TBC1D25: variants seen among roughly 807,000 people sequenced by gnomAD.
TBC1D25 encodes TBC1 domain family member 25.
A neutral mutation model predicts 38.8 loss-of-function variants in TBC1D25; 13 were observed. The observed-to-expected ratio is 0.34, with a 90% CI of 0.22 to 0.53. The LOEUF (loss-of-function observed/expected upper bound fraction) is 0.53. TBC1D25 is among the 20% of genes least tolerant of loss of function. The probability of loss-of-function intolerance (pLI) is 0.94; values close to 1 mark genes in which losing one functional copy is unlikely to be tolerated. For missense variants in TBC1D25, 372 were observed against 600.0 expected, an observed-to-expected ratio of 0.62 and a Z score of 3.97; for synonymous variants, 225 against 255.6, an observed-to-expected ratio of 0.88 and a Z score of 1.14.
In TBC1D25 at chrX:48,550,744, C is replaced by T. The variant is rs927926834; in HGVS notation, c.388+5721C>T. Among the ~76,000 whole-genome samples, 47 of 109,935 alleles carry T rather than the reference C, an allele frequency of 4.3e-4. 1 individual carries two copies. Among genetic ancestry groups the T allele is most frequent in the Non-Finnish European group, 1.9e-4 (10 of 52,641 alleles). ...GCACAATCTTGGCTCACTGCAAGCTCCACCTCCTGGGTTCACGCCATTCTC... is the reference window on the plus strand; with the variant it reads ...GCACAATCTTGGCTCACTGCAAGCTTCACCTCCTGGGTTCACGCCATTCTC... On this transcript the variant is annotated intron_variant, in intron 3 of 5. Coordinates refer to ENST00000376771, the MANE Select transcript of TBC1D25 (RefSeq NM_002536.4).
At chrX:48,541,589 T>C in intron 2 of TBC1D25, 147 bp downstream of exon 2, 1 of 579,731 alleles carries the variant, frequency 1.7e-6, no homozygotes. Flanking sequence ...TGGAGCACAG[T>C]AGTCTACTTT....
intron 3 of TBC1D25, among the ~76,000 whole-genome samples, chrX:48,554,559 CAAAAA>C (rs60207287): frequency 1.9e-5 from 1 of 51,901 alleles, no homozygotes; most frequent in African/African-American, 8.0e-5. Context: ...GACTCCATCT[CAAAAA>C]AAAAAAAAAA....
At chrX:48,550,868 C>T (rs34521177) in intron 3 of TBC1D25, among the ~76,000 whole-genome samples, 4 of 110,565 alleles carry the variant, frequency 3.6e-5, no homozygotes, top group African/African-American at 1.3e-4. Flanking sequence ...ACCGTGTTAG[C>T]TAGGATGATC....
At position 48,557,094 on chromosome X, in the gene TBC1D25, G is replaced by A. The variant is rs188699068; in HGVS notation, c.389-1803G>A. 3.7e-5 allele frequency among the ~76,000 whole-genome samples: 4 copies of A among 109,294 alleles called. No individual in the cohort carries two copies. In the East Asian group the frequency reaches 8.6e-4, roughly 24 times the overall value. The allele number at this position is 109,294 out of a possible 115,157, so 94.9% of individuals were successfully genotyped here. ...AAAAAAAAATCATCCACGCATGGTG[G>A]CACACGCCTGTAAGCCCCAGCTACT... On this transcript the variant is annotated intron_variant, in intron 3 of 5. Transcript: ENST00000376771.
chrX:48,551,994 T>G (rs1255090891), intron 3 of TBC1D25, among the ~76,000 whole-genome samples: 1 of 111,105 alleles, frequency 9.0e-6, no homozygotes, highest in Non-Finnish European at 1.9e-5. Flanking sequence ...TGTTAAATGC[T>G]TTTGGCCTTG....
At position 48,539,819 on chromosome X, in the gene TBC1D25, T is replaced by C; in HGVS notation, c.22T>C (p.Ser8Pro). Residue 8 changes from serine (S) to proline (P), a missense_variant, in exon 1 of 6, where the codon TCG (serine) becomes CCG (proline). By Grantham distance (74) the Ser-to-Pro change is moderately conservative. Transcript: ENST00000376771. ...CGGGATGGCAACAGCCTCCGGGGCC[T>C]CGGACTTGTCTGGCTCCGGAGCGCC... MATASGASDLSGSGAPPP... is the reference protein window; with the variant it reads MATASGAPDLSGSGAPPP... The C allele has an allele frequency of 1.0e-6, 1 of 965,921 alleles. No individual in the cohort carries two copies. The highest frequency in any genetic ancestry group is 1.3e-6 in the Non-Finnish European group (1 of 768,413). 79.6% of individuals were successfully genotyped at this position (965,921 alleles called of 1,213,427 possible). A position where few individuals can be genotyped will look rare whatever the true frequency, so the allele number is the denominator to read the frequency against.
At chrX:48,543,050 G>A (rs1459135396) in intron 2 of TBC1D25, among the ~76,000 whole-genome samples, 1 of 110,482 alleles carries the variant, frequency 9.1e-6, no homozygotes, top group Non-Finnish European at 1.9e-5. Context: ...CCTTATCATA[G>A]GTATGTATGT....
In TBC1D25 at chrX:48,559,817, G is replaced by C; in HGVS notation, c.909G>C (p.Ala303=). ...CTGACCGGGCCCACCCCTACTATGC[G>C]GGGCCTGAGGATGGCCCACATCTAC... is the stretch of plus-strand genomic sequence containing the variant. ...LRTDRAHPYY[A]GPEDGPHLRA... is the part of the protein sequence containing the mutation. The change falls in exon 6 of 6, where the codon GCG becomes GCC. Residue 303 remains alanine (A), a synonymous_variant. Coordinates refer to ENST00000376771, the MANE Select transcript of TBC1D25 (RefSeq NM_002536.4). 7 of 1,211,886 alleles carry C rather than the reference G, an allele frequency of 5.8e-6. No individual in the cohort carries two copies. The highest frequency in any genetic ancestry group is 7.8e-6 in the Non-Finnish European group (7 of 895,546).
At chrX:48,544,393 C>T (rs1001112677) in intron 2 of TBC1D25, among the ~76,000 whole-genome samples, 1 of 107,200 alleles carries the variant, frequency 9.3e-6, no homozygotes, top group Non-Finnish European at 1.9e-5. Flanking sequence ...TCTTGGCTCA[C>T]TGCAACCTCC....
chrX:48,547,676 C>G (rs1171436990), intron 3 of TBC1D25, among the ~76,000 whole-genome samples: 1 of 112,154 alleles, frequency 8.9e-6, no homozygotes, highest in African/African-American at 3.2e-5. Flanking sequence ...GTGGCTCACG[C>G]CTGTAATCCC....
intron 3 of TBC1D25, among the ~76,000 whole-genome samples, chrX:48,551,401 C>G (rs2061931134): frequency 9.0e-6 from 1 of 111,222 alleles, no homozygotes; most frequent in Non-Finnish European, 1.9e-5. Flanking sequence ...AATTCCGGCT[C>G]ACTGCAACCT....
At chrX:48,555,338 C>G (rs1556984252) in intron 3 of TBC1D25, among the ~76,000 whole-genome samples, 1 of 111,334 alleles carries the variant, frequency 9.0e-6, no homozygotes, top group East Asian at 2.8e-4. Context: ...TTTGTTCCCC[C>G]CCTCAGCTCT....
intron 3 of TBC1D25, among the ~76,000 whole-genome samples, chrX:48,556,398 T>C (rs1452118759): frequency 8.9e-6 from 1 of 111,766 alleles, no homozygotes; most frequent in Non-Finnish European, 1.9e-5. Context: ...TAAAGTTACA[T>C]ACAGATTAAC....
rs2061950811 is a variant in TBC1D25, at chrX:48,553,487, C to T, written c.389-5410C>T. On this transcript the variant is annotated intron_variant, in intron 3 of 5. Transcript: ENST00000376771. ...TCTCAGGTCTTTCTTCTTAGTGCTC[C>T]ATAGGTGCTGTGAGCTACTGTCTTA... 3.7e-5 allele frequency among the ~76,000 whole-genome samples: 4 copies of T among 109,268 alleles called. No individual in the cohort carries two copies. In the South Asian group the frequency reaches 1.5e-3, roughly 42 times the overall value. The allele number at this position is 109,268 out of a possible 115,157, so 94.9% of individuals were successfully genotyped here. A position where few individuals can be genotyped will look rare whatever the true frequency, so the allele number is the denominator to read the frequency against.
At position 48,561,388 on chromosome X, in the gene TBC1D25, C is replaced by G; in HGVS notation, c.*413C>G. 1 of 140,426 alleles carries G rather than the reference C, an allele frequency of 7.1e-6. No homozygotes were observed. Among genetic ancestry groups the G allele is most frequent in the African/African-American group, 3.1e-5 (1 of 32,324 alleles). 11.6% of individuals were successfully genotyped at this position (140,426 alleles called of 1,213,427 possible). A position where few individuals can be genotyped will look rare whatever the true frequency, so the allele number is the denominator to read the frequency against. On this transcript the variant is annotated 3_prime_UTR_variant, in exon 6 of 6. Transcript: ENST00000376771. ...TGACAATCAGTTCCCAAAGGTGAGC[C>G]CAGGTGGAGCACTGCTTGAGGAAGG... is the stretch of plus-strand genomic sequence containing the variant.
At position 48,553,947 on chromosome X, in the gene TBC1D25, G is replaced by A. The variant is rs782449345; in HGVS notation, c.389-4950G>A. The stretch of plus-strand genomic sequence containing the variant: ...TGTAATCCCAGCACTTTGGGAGACC[G>A]AGGTAGGCGGATCACTTGAACTCAG... On this transcript the variant is annotated intron_variant, in intron 3 of 5. Transcript: ENST00000376771. Among the ~76,000 whole-genome samples, 38 of 109,150 alleles carry A rather than the reference G, an allele frequency of 3.5e-4. No homozygotes were observed. The South Asian group carries it at 0.014, about 40-fold the overall frequency. The allele number at this position is 109,150 out of a possible 115,157, so 94.8% of individuals were successfully genotyped here.
At chrX:48,540,069 G>GGGAGGGCC in intron 1 of TBC1D25, 149 bp downstream of exon 1, 1 of 810,006 alleles carries the variant, frequency 1.2e-6, no homozygotes, top group Non-Finnish European at 1.6e-6. Flanking sequence ...GCGAGGGGTA[G>GGGAGGGCC]GGAGGGCCTG....
chrX:48,541,480 C>T (rs1556980258), intron 2 of TBC1D25, 38 bp downstream of exon 2: 2 of 1,149,294 alleles, frequency 1.7e-6, no homozygotes, highest in Admixed American at 2.2e-5. Context: ...CAGTGGGCCA[C>T]CGACCTCTAC....
At chrX:48,544,846 G>A in intron 2 of TBC1D25, 23 bp from the exon 3 acceptor site, 4 of 1,208,304 alleles carry the variant, frequency 3.3e-6, no homozygotes, top group Non-Finnish European at 4.5e-6. Context: ...GGCCCTGAGA[G>A]CTCCCTCGTA....
Sources: allele counts gnomAD v4.1 joint callset (sites outside exome capture counted in the v4.1 genomes callset), GRCh38; gene constraint gnomAD v4.1.1; transcripts MANE v1.5; gene names NCBI Gene and HGNC (gene_info 2026-07-23, HGNC 2026-07-21).